The following MMRN1 variants were observed in gnomAD, a reference collection of about 807,000 sequenced individuals.
MMRN1 encodes the protein multimerin 1, also known as multimerin-1.
In MMRN1, 94 loss-of-function variants were observed where a neutral mutation model predicts 100.7. That is an observed-to-expected ratio of 0.93 (90% confidence interval 0.79 to 1.11). The LOEUF (loss-of-function observed/expected upper bound fraction) is 1.11, where lower values mean the gene tolerates loss of function less well. MMRN1 is among the 50% of genes least tolerant of loss of function. The pLI, the probability that MMRN1 is intolerant of heterozygous loss-of-function variation, is 0.00. For missense variants in MMRN1, 1,606 were observed against 1,439.1 expected (o/e 1.12, Z -1.88); for synonymous variants, 575 against 505.0 (o/e 1.14, Z -1.86).
Position 89,909,399 on chromosome 4 carries a change from T to G in MMRN1, c.743+4T>G. The G allele has an allele frequency of 6.2e-7, 1 of 1,608,072 alleles. No homozygotes were observed. The highest frequency in any genetic ancestry group is 8.5e-7 in the Non-Finnish European group (1 of 1,176,798). ...CCGGTGGATCCTGTCCTCAGAGGTA[T>G]GTAATATTTCTTGAAAATAGCCACT... On this transcript the variant is annotated splice_donor_region_variant and intron_variant, in intron 2 of 7. Coordinates refer to ENST00000264790, the MANE Select transcript of MMRN1 (RefSeq NM_007351.3).
chr4:89,879,711 G>C (rs1443150660), intron 1 of MMRN1: 1 of 152,054 alleles, frequency 6.6e-6, no homozygotes, highest in East Asian at 1.9e-4. Context: ...AGTATTAGTA[G>C]TTTAGCTCTT....
rs752252180 is a variant in MMRN1, at chr4:89,953,184, C to A, written c.3453C>A (p.Ile1151=). The A allele has an allele frequency of 9.9e-6, 16 of 1,613,742 alleles. No individual in the cohort carries two copies. Among genetic ancestry groups the A allele is most frequent in the East Asian group, 2.2e-5 (1 of 44,834 alleles). The change falls in exon 8 of 8, where the codon ATC becomes ATA. Residue 1151 remains isoleucine (I), a synonymous_variant. Coordinates refer to ENST00000264790, the MANE Select transcript of MMRN1 (RefSeq NM_007351.3). ...GAGTATATGTTTTCAAGTACACCAT[C>A]GAGTCATTTAGTGCTCATATTTCTG... The part of the protein sequence containing the change: ...YLGVYVFKYT[I]ESFSAHISGF...
chr4:89,946,577 T>G (rs1166713457), intron 6 of MMRN1, among the ~76,000 whole-genome samples: 2 of 152,148 alleles, frequency 1.3e-5, no homozygotes, highest in Non-Finnish European at 2.9e-5. Flanking sequence ...GAATGAGCAC[T>G]GAGGAAAGTT....
intron 2 of MMRN1, 88 bp downstream of exon 2, chr4:89,909,483 A>G (rs765750121): frequency 2.8e-5 from 42 of 1,490,562 alleles, no homozygotes; most frequent in Non-Finnish European, 3.6e-5. Flanking sequence ...TGCAAGGTAC[A>G]TAATACATAG....
At chr4:89,915,777 T>A (rs915949745) in intron 3 of MMRN1, among the ~76,000 whole-genome samples, 3 of 151,596 alleles carry the variant, frequency 2.0e-5, no homozygotes, top group African/African-American at 4.8e-5. Flanking sequence ...TATTGCATTT[T>A]AAAAAAATCT....
rs772534182 is a variant in MMRN1, at chr4:89,935,416, T to C, written c.1736T>C (p.Val579Ala). The change falls in exon 6 of 8, where the codon GTC (valine) becomes GCC (alanine). Residue 579 changes from valine to alanine, a missense_variant. Physicochemically the swap from Val to Ala is moderately conservative, Grantham distance 64. Coordinates refer to ENST00000264790, the MANE Select transcript of MMRN1 (RefSeq NM_007351.3). Reference sequence around the variant, plus strand: ...GAAAGCAAGATTAACAATCTCACCGTCTCTTTGGAGATGGAGAAAGAGTCT... The same window carrying C: ...GAAAGCAAGATTAACAATCTCACCGCCTCTTTGGAGATGGAGAAAGAGTCT... Reference protein sequence around the residue: ...IQESKINNLTVSLEMEKESLR... With the variant: ...IQESKINNLTASLEMEKESLR... 2 of 1,613,350 alleles carry C rather than the reference T, an allele frequency of 1.2e-6. No homozygotes were observed. Among genetic ancestry groups the C allele is most frequent in the African/African-American group, 2.7e-5 (2 of 74,890 alleles).
intron 1 of MMRN1, among the ~76,000 whole-genome samples, chr4:89,907,420 T>A (rs1265983933): frequency 6.6e-6 from 1 of 151,536 alleles, no homozygotes; most frequent in Non-Finnish European, 1.5e-5. Context: ...TTTCTTTTTA[T>A]GTGTTGTTTT....
In MMRN1 at chr4:89,936,784, A is replaced by T; in HGVS notation, c.3104A>T (p.Asn1035Ile). Residue 1035 changes from asparagine (N) to isoleucine (I), a missense_variant, in exon 6 of 8, where the codon AAC becomes ATC. Coordinates refer to ENST00000264790, the MANE Select transcript of MMRN1 (RefSeq NM_007351.3). ...GGCCGGACTCAAAGAAACACGGACAACATAATATATCCTGGTAAGCTGTTA... is the reference window on the plus strand; with the variant it reads ...GGCCGGACTCAAAGAAACACGGACATCATAATATATCCTGGTAAGCTGTTA... ...LIGRTQRNTD[N>I]IIYPEEYSSC... 3.1e-6 allele frequency: 5 copies of T among 1,592,478 alleles called. No individual in the cohort carries two copies. Among genetic ancestry groups the T allele is most frequent in the Non-Finnish European group, 3.4e-6 (4 of 1,173,112 alleles).
chr4:89,902,363 A>C (rs991630056), intron 1 of MMRN1, among the ~76,000 whole-genome samples: 1 of 152,118 alleles, frequency 6.6e-6, no homozygotes. Flanking sequence ...AAGAGAAAAA[A>C]AACAAATTTA....
intron 6 of MMRN1, among the ~76,000 whole-genome samples, chr4:89,939,224 A>C (rs1722748753): frequency 6.6e-6 from 1 of 152,164 alleles, no homozygotes; most frequent in Admixed American, 6.6e-5. Context: ...TATAAGTATT[A>C]TACAGCCACA....
At position 89,935,632 on chromosome 4, in the gene MMRN1, C is replaced by G. The variant is rs200526047; in HGVS notation, c.1952C>G (p.Pro651Arg). Residue 651 changes from proline (P) to arginine (R), a missense_variant, in exon 6 of 8, where the codon CCC becomes CGC. Transcript: ENST00000264790. ...ACTTATGATATGGAGATCCTTCAAC[C>G]CTTGCTTGAGCAGGGAGCATCACTC... ...DLTYDMEILQ[P>R]LLEQGASLRQ... 4 of 1,613,276 alleles carry G rather than the reference C, an allele frequency of 2.5e-6. No individual in the cohort carries two copies. The African/African-American group carries it at 4.0e-5, about 16-fold the overall frequency.
At chr4:89,907,058 T>C (rs977161829) in intron 1 of MMRN1, among the ~76,000 whole-genome samples, 1 of 151,502 alleles carries the variant, frequency 6.6e-6, no homozygotes, top group African/African-American at 2.4e-5. Flanking sequence ...CATGTGACAA[T>C]TTAATTGTGC....
At chr4:89,915,631 G>C (rs1393932582) in intron 3 of MMRN1, among the ~76,000 whole-genome samples, 1 of 151,422 alleles carries the variant, frequency 6.6e-6, no homozygotes, top group Admixed American at 6.6e-5. Flanking sequence ...GGAAGCTGTT[G>C]CTCCTACTGT....
chr4:89,935,134 A>C lies in MMRN1; in HGVS notation c.1454A>C (p.Gln485Pro), dbSNP rs777109549. ...CCTATTAAAGAACTAGAAGTAAAGCAGACTCATTTAGAAGGTGCTCTAGAA... is the reference window on the plus strand; with the variant it reads ...CCTATTAAAGAACTAGAAGTAAAGCCGACTCATTTAGAAGGTGCTCTAGAA... ...EKPIKELEVKQTHLEGALEQE... is the reference protein window; with the variant it reads ...EKPIKELEVKPTHLEGALEQE... The change falls in exon 6 of 8, where the codon CAG becomes CCG. Residue 485 changes from glutamine to proline, a missense_variant. Transcript: ENST00000264790. 6.2e-7 allele frequency: 1 copy of C among 1,613,672 alleles called. No homozygotes were observed. Among genetic ancestry groups the C allele is most frequent in the Admixed American group, 1.7e-5 (1 of 59,958 alleles).
intron 5 of MMRN1, among the ~76,000 whole-genome samples, chr4:89,932,240 G>A (rs1323215530): frequency 6.6e-6 from 1 of 152,170 alleles, no homozygotes; most frequent in African/African-American, 2.4e-5. Context: ...CTCACATCCA[G>A]GTCACACTGA....
chr4:89,894,130 C>T (rs772974615), upstream of MMRN1, among the ~76,000 whole-genome samples: 1 of 152,068 alleles, frequency 6.6e-6, no homozygotes, highest in Non-Finnish European at 1.5e-5. Context: ...TTACCCCCAA[C>T]CATCAGACAA....
chr4:89,895,839 A>T (rs1161589402), intron 1 of MMRN1, among the ~76,000 whole-genome samples: 1 of 152,196 alleles, frequency 6.6e-6, no homozygotes, highest in East Asian at 1.9e-4. Flanking sequence ...TCACTTATAG[A>T]GGTAGTTTTA....
intron 5 of MMRN1, among the ~76,000 whole-genome samples, chr4:89,928,492 T>A (rs1407984276): frequency 6.6e-6 from 1 of 152,194 alleles, no homozygotes; most frequent in African/African-American, 2.4e-5. Context: ...GAATAGGCTT[T>A]GCCTGAATTT....
At chr4:89,892,655 C>T (rs1721080987), upstream of MMRN1, among the ~76,000 whole-genome samples, 1 of 151,736 alleles carries the variant, frequency 6.6e-6, no homozygotes, top group African/African-American at 2.4e-5. Flanking sequence ...GAACCTTTAG[C>T]CTTTTGATTT....
Sources: allele counts gnomAD v4.1 joint callset (sites outside exome capture counted in the v4.1 genomes callset), GRCh38; gene constraint gnomAD v4.1.1; transcripts MANE v1.5; gene names NCBI Gene and HGNC (gene_info 2026-07-23, HGNC 2026-07-21).